Variants in TNRC18 observed in about 807,000 individuals in gnomAD.
TNRC18 encodes the protein trinucleotide repeat-containing gene 18 protein.
Under a neutral mutation model 226.7 loss-of-function variants are expected in TNRC18, and 69 were observed. That is an observed-to-expected ratio of 0.30 (90% CI 0.25 to 0.37). The LOEUF (loss-of-function observed/expected upper bound fraction) is 0.37. Ranked by LOEUF, TNRC18 falls within the 10% of genes least tolerant of loss-of-function variation. The probability of loss-of-function intolerance (pLI) is 1.00; values close to 1 mark genes in which losing one functional copy is unlikely to be tolerated. For synonymous variants in TNRC18, 2,449 were observed against 1,927.6 expected (o/e 1.27, Z -7.09); for missense variants, 4,754 against 4,256.6 (o/e 1.12, Z -3.25).
chr7:5,380,382 A>T (rs1438253919), intron 5 of TNRC18, among the ~76,000 whole-genome samples: 1 of 152,132 alleles, frequency 6.6e-6, no homozygotes, highest in Non-Finnish European at 1.5e-5. Context: ...GGAGGTGGAG[A>T]CTGCAGTGAG....
chr7:5,413,203 G>A (rs1781951470), intron 2 of TNRC18, among the ~76,000 whole-genome samples: 1 of 152,146 alleles, frequency 6.6e-6, no homozygotes, highest in African/African-American at 2.4e-5. Flanking sequence ...ACATGAGAGG[G>A]TGGGAGGAGC....
intron 5 of TNRC18, among the ~76,000 whole-genome samples, chr7:5,379,044 A>G (rs556168026): frequency 1.4e-3 from 208 of 152,006 alleles, no homozygotes; most frequent in Non-Finnish European, 2.4e-3. Context: ...AAAAAATACA[A>G]AAATCAGCCA....
chr7:5,420,561 C>T (rs909473955), intron 2 of TNRC18: 5 of 448,138 alleles, frequency 1.1e-5, no homozygotes, highest in Non-Finnish European at 2.3e-5. Context: ...GGCGTACTCC[C>T]GCATCCCCCG....
In TNRC18 at chr7:5,308,247, C is replaced by G. The variant is rs770826341; in HGVS notation, c.8766G>C (p.Leu2922=). 7.4e-6 allele frequency: 12 copies of G among 1,612,890 alleles called. No individual in the cohort carries two copies. The highest frequency in any genetic ancestry group is 5.3e-5 in the African/African-American group (4 of 74,912). ...GCTCATACTGCTCCAGGCCCACCAC[C>G]AGGCACTTGTGCGACACCGTCTGCA... ...NDVQTVSHKC[L]VVGLEQYEQM... Residue 2922 remains leucine (L), a synonymous_variant, in exon 30 of 30, where the codon CTG becomes CTC. Transcript: ENST00000430969.
At chr7:5,315,676 C>A (rs541632248) in intron 25 of TNRC18, among the ~76,000 whole-genome samples, 57 of 152,346 alleles carry the variant, frequency 3.7e-4, no homozygotes, top group Non-Finnish European at 5.9e-4. Flanking sequence ...CCCATCTTGG[C>A]CTCCCAAAGT....
chr7:5,310,996 G>A (rs1014003116), intron 27 of TNRC18, among the ~76,000 whole-genome samples: 2 of 151,714 alleles, frequency 1.3e-5, no homozygotes, highest in African/African-American at 4.9e-5. Context: ...ATGGATGCAC[G>A]TGCACGCATG....
chr7:5,361,997 C>A lies in TNRC18; in HGVS notation c.4432G>T (p.Ala1478Ser). 1 of 1,613,594 alleles carries A rather than the reference C, an allele frequency of 6.2e-7. No individual in the cohort carries two copies. The highest frequency in any genetic ancestry group is 1.1e-5 in the South Asian group (1 of 91,052). The change falls in exon 13 of 30, where the codon GCC (alanine) becomes TCC (serine). Residue 1478 changes from alanine to serine, a missense_variant. By Grantham distance (99) the Ala-to-Ser change is moderately conservative. Coordinates refer to ENST00000430969, the MANE Select transcript of TNRC18 (RefSeq NM_001080495.3). ...CGCATCCGGAAGTCCAGCTCCAGGG[C>A]GTCCATGTCCTCCAGGGAGGACTTC... is the stretch of plus-strand genomic sequence containing the variant. ...AMKSSLEDMD[A>S]LELDFRMRLA...
At position 5,370,800 on chromosome 7, in the gene TNRC18, G is replaced by A. The variant is rs1242836470; in HGVS notation, c.3794C>T (p.Pro1265Leu). Residue 1265 changes from proline (P) to leucine (L), a missense_variant, in exon 11 of 30, where the codon CCT becomes CTT. Pro to Leu is a moderately conservative substitution (Grantham distance 98, BLOSUM62 -3). Transcript: ENST00000430969. ...VEAKEEPVEV[P>L]VAVPVVEAVP... Reference sequence around the variant, plus strand: ...TGCCTCCACCACGGGCACCGCCACAGGCACCTCCACCGGCTCCTCCTTGGC... The same window carrying A: ...TGCCTCCACCACGGGCACCGCCACAAGCACCTCCACCGGCTCCTCCTTGGC... The A allele has an allele frequency of 6.2e-7, 1 of 1,607,556 alleles. No homozygotes were observed.
At position 5,374,153 on chromosome 7, in the gene TNRC18, C is replaced by A; in HGVS notation, c.3131G>T (p.Gly1044Val). 1.7e-6 allele frequency: 2 copies of A among 1,206,896 alleles called. No individual in the cohort carries two copies. Among genetic ancestry groups the A allele is most frequent in the South Asian group, 1.5e-5 (1 of 64,658 alleles). The allele number at this position is 1,206,896 out of a possible 1,614,324, so 74.8% of individuals were successfully genotyped here. A position where few individuals can be genotyped will look rare whatever the true frequency, so the allele number is the denominator to read the frequency against. The change falls in exon 10 of 30, where the codon GGT becomes GTT. Residue 1044 changes from glycine (G) to valine (V), a missense_variant. Coordinates refer to ENST00000430969, the MANE Select transcript of TNRC18 (RefSeq NM_001080495.3). ...GGGAGCCTCCTCCTTGCGGGTGATA[C>A]CCGGGGTGGGCGGTGGGGAGGCGGG... ...PPPASPPPTP[G>V]ITRKEEAPEN...
At chr7:5,397,265 G>A (rs965496844) in intron 2 of TNRC18, among the ~76,000 whole-genome samples, 7 of 152,186 alleles carry the variant, frequency 4.6e-5, no homozygotes, top group African/African-American at 1.4e-4. Flanking sequence ...TGGGTAGAAG[G>A]CTCCGGAAGC....
intron 14 of TNRC18, among the ~76,000 whole-genome samples, chr7:5,360,047 GAC>G (rs1362616945): frequency 6.6e-6 from 1 of 151,864 alleles, no homozygotes; most frequent in Non-Finnish European, 1.5e-5. Flanking sequence ...GCGCAGTGGG[GAC>G]ACAGACATGG....
At chr7:5,416,180 C>T (rs1291221555) in intron 2 of TNRC18, among the ~76,000 whole-genome samples, 1 of 150,750 alleles carries the variant, frequency 6.6e-6, no homozygotes, top group East Asian at 2.0e-4. Context: ...TTTGGGAGGC[C>T]GAGGCGGGTG....
At chr7:5,397,370 C>G (rs1223874339) in intron 2 of TNRC18, among the ~76,000 whole-genome samples, 1 of 152,224 alleles carries the variant, frequency 6.6e-6, no homozygotes, top group South Asian at 2.1e-4. Flanking sequence ...GGCCCCTGCC[C>G]GGGCTTGTGA....
At chr7:5,359,591 G>T (rs749951849) in intron 14 of TNRC18, 22 bp from the exon 15 acceptor site, 7 of 1,612,562 alleles carry the variant, frequency 4.3e-6, no homozygotes, top group African/African-American at 1.3e-5. Context: ...ACACACTGCC[G>T]GTCAGCACCC....
intron 11 of TNRC18, 84 bp from the exon 12 acceptor site, chr7:5,362,909 C>T: frequency 2.2e-6 from 3 of 1,361,896 alleles, no homozygotes; most frequent in Non-Finnish European, 2.9e-6. Flanking sequence ...AAAGCAAGCG[C>T]AGGCCCCAGG....
intron 5 of TNRC18, among the ~76,000 whole-genome samples, chr7:5,385,758 G>A (rs866092561): frequency 6.6e-6 from 1 of 151,504 alleles, no homozygotes; most frequent in South Asian, 2.1e-4. Context: ...TGGATCAACT[G>A]CGGCCAGGAG....
Position 5,308,041 on chromosome 7 carries a change from G to A in TNRC18, c.*65C>T, listed in dbSNP as rs891579236. ...ACAACGCACGTGGTCTCCGCGCCAT[G>A]GCAGTGATGGAGATGGGTCCCTGGC... On this transcript the variant is annotated 3_prime_UTR_variant, in exon 30 of 30. Transcript: ENST00000430969. 1 of 1,443,380 alleles carries A rather than the reference G, an allele frequency of 6.9e-7. No individual in the cohort carries two copies. The highest frequency in any genetic ancestry group is 9.4e-7 in the Non-Finnish European group (1 of 1,060,214). The allele number at this position is 1,443,380 out of a possible 1,614,324, so 89.4% of individuals were successfully genotyped here. A position where few individuals can be genotyped will look rare whatever the true frequency, so the allele number is the denominator to read the frequency against.
At chr7:5,339,207 T>C (rs76229069) in intron 18 of TNRC18, among the ~76,000 whole-genome samples, 1 of 148,398 alleles carries the variant, frequency 6.7e-6, no homozygotes, top group Non-Finnish European at 1.5e-5. Context: ...AACAAATGTG[T>C]TTTTTTTGTT....
intron 18 of TNRC18, among the ~76,000 whole-genome samples, chr7:5,342,926 T>G (rs1274106844): frequency 6.6e-6 from 1 of 152,138 alleles, no homozygotes. Flanking sequence ...ACCACCCTAA[T>G]CAGTCAGCAG....
Sources: gnomAD v4.1 joint callset for allele counts (sites outside exome capture counted in the v4.1 genomes callset) on GRCh38, gnomAD v4.1.1 for gene constraint, MANE v1.5 for transcripts, NCBI Gene and HGNC (gene_info 2026-07-23, HGNC 2026-07-21) for gene names.